Variants in NXPH2 observed in about 807,000 individuals in gnomAD.
NXPH2 encodes the protein neurexophilin-2.
A neutral mutation model predicts 19.8 loss-of-function variants in NXPH2; 5 were observed. That is an observed-to-expected ratio of 0.25 (90% CI 0.13 to 0.53). The LOEUF (loss-of-function observed/expected upper bound fraction) is 0.53, where lower values mean the gene tolerates loss of function less well. Among genes scored for constraint, NXPH2 ranks in the 20% least tolerant of loss-of-function variants. The probability of loss-of-function intolerance (pLI) is 0.96; values close to 1 mark genes in which losing one functional copy is unlikely to be tolerated. For missense variants in NXPH2, 289 were observed against 322.8 expected, an observed-to-expected ratio of 0.90 and a Z score of 0.80; for synonymous variants, 154 against 127.4, an observed-to-expected ratio of 1.21 and a Z score of -1.41.
chr2:138,669,283 A>G lies in NXPH2; in HGVS notation c.*1639T>C, dbSNP rs1164628356. On this transcript the variant is annotated 3_prime_UTR_variant, in exon 2 of 2. Transcript: ENST00000272641. The stretch of plus-strand genomic sequence containing the variant: ...ATTCCCACATATTTTACAATAAATA[A>G]TATTTTACTCTTGTTTCTAGGTGAA... Among the ~76,000 whole-genome samples the G allele has an allele frequency of 6.6e-6, 1 of 152,192 alleles. No homozygotes were observed. The highest frequency in any genetic ancestry group is 2.4e-5 in the African/African-American group (1 of 41,456).
chr2:138,715,200 C>T (rs751511096), intron 1 of NXPH2, among the ~76,000 whole-genome samples: 5 of 152,142 alleles, frequency 3.3e-5, no homozygotes, highest in Non-Finnish European at 5.9e-5. Flanking sequence ...TAATAGCTCT[C>T]TTGGCACAAT....
Position 138,763,458 on chromosome 2 carries a change from A to C in NXPH2, c.51+16733T>G, listed in dbSNP as rs138510854. Among the ~76,000 whole-genome samples the C allele has an allele frequency of 2.6e-5, 4 of 152,326 alleles. No homozygotes were observed. In the East Asian group the frequency reaches 5.8e-4, roughly 22 times the overall value. ...TAGTGAGAACAAGTGAGTCTGTAAT[A>C]AATATTACAAAGTCTTAAAATGTGG... On this transcript the variant is annotated intron_variant, in intron 1 of 1. Coordinates refer to ENST00000272641, the MANE Select transcript of NXPH2 (RefSeq NM_007226.3).
chr2:138,746,511 T>G (rs1270389415), intron 1 of NXPH2, among the ~76,000 whole-genome samples: 2 of 152,222 alleles, frequency 1.3e-5, no homozygotes, highest in Non-Finnish European at 2.9e-5. Context: ...GTGACAGACC[T>G]CAGGGCAACA....
At chr2:138,679,675 C>T (rs1360445863) in intron 1 of NXPH2, among the ~76,000 whole-genome samples, 1 of 152,172 alleles carries the variant, frequency 6.6e-6, no homozygotes, top group African/African-American at 2.4e-5. Context: ...GTTGGGATTA[C>T]AGGCGTGAGC....
chr2:138,780,348 T>G lies in NXPH2; in HGVS notation c.-107A>C. 2 of 640,504 alleles carry G rather than the reference T, an allele frequency of 3.1e-6. No individual in the cohort carries two copies. The highest frequency in any genetic ancestry group is 4.1e-6 in the Non-Finnish European group (2 of 489,802). The allele number at this position is 640,504 out of a possible 1,614,324, so 39.7% of individuals were successfully genotyped here. ...GGACGCCAGGGACACAGCGCGGCGC[T>G]TCCCTCCCGGAATCCGAGCGCTGCG... On this transcript the variant is annotated 5_prime_UTR_variant, in exon 1 of 2. Transcript: ENST00000272641.
At chr2:138,730,463 T>C (rs34190955) in intron 1 of NXPH2, among the ~76,000 whole-genome samples, 31,578 of 152,150 alleles carry the variant, frequency 0.21, 3,871 homozygotes, top group East Asian at 0.53. Flanking sequence ...ATTCAGCCCA[T>C]AGCACTTCTG....
intron 1 of NXPH2, among the ~76,000 whole-genome samples, chr2:138,705,215 T>C (rs998109968): frequency 6.6e-6 from 1 of 152,092 alleles, no homozygotes; most frequent in African/African-American, 2.4e-5. Flanking sequence ...CTTCCCATCA[T>C]GGCCTCTCAA....
At chr2:138,720,552 A>T (rs1191141597) in intron 1 of NXPH2, among the ~76,000 whole-genome samples, 2 of 152,248 alleles carry the variant, frequency 1.3e-5, no homozygotes, top group Admixed American at 1.3e-4. Context: ...ATGTCACTGC[A>T]AAATGGATGA....
chr2:138,711,491 T>C (rs577230570), intron 1 of NXPH2, among the ~76,000 whole-genome samples: 1 of 152,274 alleles, frequency 6.6e-6, no homozygotes, highest in African/African-American at 2.4e-5. Context: ...TCCATCCTAC[T>C]TGATGCCTTG....
chr2:138,758,481 C>T (rs181616532), intron 1 of NXPH2, among the ~76,000 whole-genome samples: 3 of 152,294 alleles, frequency 2.0e-5, no homozygotes, highest in African/African-American at 7.2e-5. Flanking sequence ...AACTAATGGA[C>T]AGGAAGAACC....
chr2:138,776,360 C>T (rs536587645), intron 1 of NXPH2, among the ~76,000 whole-genome samples: 20 of 152,040 alleles, frequency 1.3e-4, no homozygotes, highest in Non-Finnish European at 1.8e-4. Context: ...CTTTTCCATT[C>T]GGAAACTAAA....
At chr2:138,723,780 T>C (rs1048333024) in intron 1 of NXPH2, among the ~76,000 whole-genome samples, 1 of 152,202 alleles carries the variant, frequency 6.6e-6, no homozygotes, top group Non-Finnish European at 1.5e-5. Context: ...TGTTACTTCA[T>C]GACAGCAGGG....
intron 1 of NXPH2, among the ~76,000 whole-genome samples, chr2:138,763,374 A>G (rs1682047239): frequency 6.6e-6 from 1 of 152,188 alleles, no homozygotes; most frequent in African/African-American, 2.4e-5. Flanking sequence ...TTTTTCCTAT[A>G]TTAATTAATT....
intron 1 of NXPH2, among the ~76,000 whole-genome samples, chr2:138,707,835 C>A (rs1681041061): frequency 6.6e-6 from 1 of 152,116 alleles, no homozygotes; most frequent in Non-Finnish European, 1.5e-5. Context: ...AGCCTGAGAT[C>A]CTTTTGAATC....
At chr2:138,731,324 A>G (rs999682461) in intron 1 of NXPH2, among the ~76,000 whole-genome samples, 1 of 152,150 alleles carries the variant, frequency 6.6e-6, no homozygotes, top group Non-Finnish European at 1.5e-5. Context: ...AGGATTTAGG[A>G]AAAGCTCGGT....
At chr2:138,767,615 C>G (rs1297703476) in intron 1 of NXPH2, among the ~76,000 whole-genome samples, 1 of 152,096 alleles carries the variant, frequency 6.6e-6, no homozygotes, top group Non-Finnish European at 1.5e-5. Flanking sequence ...ACTATTGATT[C>G]AATATCTCCT....
intron 1 of NXPH2, among the ~76,000 whole-genome samples, chr2:138,672,175 T>A (rs936625021): frequency 6.6e-6 from 1 of 152,234 alleles, no homozygotes; most frequent in Admixed American, 6.5e-5. Context: ...GCTCTTTATA[T>A]AATTCCATCT....
At chr2:138,724,613 G>A (rs1573967401) in intron 1 of NXPH2, among the ~76,000 whole-genome samples, 1 of 152,262 alleles carries the variant, frequency 6.6e-6, no homozygotes, top group African/African-American at 2.4e-5. Context: ...TTTAACAAAA[G>A]AATAGCCTCA....
At chr2:138,758,529 T>G (rs142333778) in intron 1 of NXPH2, among the ~76,000 whole-genome samples, 1 of 152,322 alleles carries the variant, frequency 6.6e-6, no homozygotes, top group Non-Finnish European at 1.5e-5. Flanking sequence ...AAGCCAGTGT[T>G]CCACTCACAA....
Sources: allele counts gnomAD v4.1 joint callset (sites outside exome capture counted in the v4.1 genomes callset), GRCh38; gene constraint gnomAD v4.1.1; transcripts MANE v1.5; gene names NCBI Gene and HGNC (gene_info 2026-07-23, HGNC 2026-07-21).